KDM4C: variants seen among roughly 807,000 people sequenced by gnomAD.
KDM4C encodes the protein lysine demethylase 4C, also known as lysine-specific demethylase 4C.
In KDM4C, 81 loss-of-function variants were observed where a neutral mutation model predicts 129.3. The observed-to-expected ratio is 0.63, with a 90% CI of 0.52 to 0.75. The LOEUF (loss-of-function observed/expected upper bound fraction) is 0.75, where lower values mean the gene tolerates loss of function less well. KDM4C is among the 30% of genes least tolerant of loss of function. The probability of loss-of-function intolerance (pLI) is 0.00; values close to 1 mark genes in which losing one functional copy is unlikely to be tolerated. For missense variants in KDM4C, 1,457 were observed against 1,304.0 expected (o/e 1.12, Z -1.81); for synonymous variants, 573 against 456.1 (o/e 1.26, Z -3.26).
At chr9:7,105,589 G>C in intron 18 of KDM4C, 1 of 405,930 alleles carries the variant, frequency 2.5e-6, no homozygotes, top group South Asian at 1.8e-5. Context: ...ATAATGAGTG[G>C]CAGGTGCTGG....
intron 8 of KDM4C, among the ~76,000 whole-genome samples, chr9:6,961,996 G>A (rs952379765): frequency 2.6e-5 from 4 of 152,126 alleles, no homozygotes; most frequent in Admixed American, 6.5e-5. Flanking sequence ...CTACTGGGTC[G>A]GTTATGCTTG....
chr9:6,911,953 G>A (rs1025054049), intron 8 of KDM4C, among the ~76,000 whole-genome samples: 4 of 152,136 alleles, frequency 2.6e-5, no homozygotes, highest in African/African-American at 7.2e-5. Context: ...CCCTACTTTT[G>A]CCCAGGACTT....
At position 7,119,718 on chromosome 9, in the gene KDM4C, G is replaced by C. The variant is rs191862713; in HGVS notation, c.2611-8348G>C. 6.6e-5 allele frequency among the ~76,000 whole-genome samples: 10 copies of C among 152,024 alleles called. No individual in the cohort carries two copies. The East Asian group carries it at 1.4e-3, about 21-fold the overall frequency. On this transcript the variant is annotated intron_variant, in intron 18 of 21. Coordinates refer to ENST00000381309, the MANE Select transcript of KDM4C (RefSeq NM_015061.6). ...TCTTCTGTGTTTATTTTATGCATTTGAAAACATAGTTCTGAGTAGGGCTTC... is the reference window on the plus strand; with the variant it reads ...TCTTCTGTGTTTATTTTATGCATTTCAAAACATAGTTCTGAGTAGGGCTTC...
chr9:6,907,907 A>G (rs1818611096), intron 8 of KDM4C, among the ~76,000 whole-genome samples: 1 of 152,226 alleles, frequency 6.6e-6, no homozygotes, highest in Non-Finnish European at 1.5e-5. Flanking sequence ...TATGGTACTT[A>G]AATATTAACA....
At position 6,903,245 on chromosome 9, in the gene KDM4C, T is replaced by A. The variant is rs141149388; in HGVS notation, c.921+10013T>A. Among the ~76,000 whole-genome samples, 11 of 152,350 alleles carry A rather than the reference T, an allele frequency of 7.2e-5. No homozygotes were observed. In the East Asian group the frequency reaches 2.1e-3, roughly 29 times the overall value. On this transcript the variant is annotated intron_variant, in intron 8 of 21. Transcript: ENST00000381309. ...AGGGTTGTCCTTTGATTTTGAGTGTTAATTTTTTAAAAAGATGACTGTTTT... is the reference window on the plus strand; with the variant it reads ...AGGGTTGTCCTTTGATTTTGAGTGTAAATTTTTTAAAAAGATGACTGTTTT...
chr9:7,077,490 A>AAC (rs1834058192), intron 17 of KDM4C, among the ~76,000 whole-genome samples: 1 of 152,224 alleles, frequency 6.6e-6, no homozygotes, highest in Non-Finnish European at 1.5e-5. Context: ...GTAATCTTCC[A>AAC]ACAACTCTTT....
intron 19 of KDM4C, among the ~76,000 whole-genome samples, chr9:7,150,808 A>G (rs577541069): frequency 2.6e-3 from 389 of 152,276 alleles, no homozygotes; most frequent in Non-Finnish European, 4.2e-3. Flanking sequence ...CTGCCTTTGT[A>G]CTTTCTAGGC....
At chr9:7,085,948 G>T (rs976567516) in intron 17 of KDM4C, among the ~76,000 whole-genome samples, 1 of 152,122 alleles carries the variant, frequency 6.6e-6, no homozygotes, top group Non-Finnish European at 1.5e-5. Context: ...CTGAAGTCAG[G>T]AGTTCGAGAC....
chr9:6,723,026 A>C (rs1035509842), intron 1 of KDM4C, among the ~76,000 whole-genome samples: 1 of 151,986 alleles, frequency 6.6e-6, no homozygotes, highest in Non-Finnish European at 1.5e-5. Flanking sequence ...CAAAAACAAC[A>C]AAACTCAAAC....
At chr9:7,047,272 G>C (rs1250349829) in intron 16 of KDM4C, among the ~76,000 whole-genome samples, 6 of 152,052 alleles carry the variant, frequency 3.9e-5, no homozygotes, top group Admixed American at 3.9e-4. Flanking sequence ...GGGCATACCT[G>C]AGAAAGTGAA....
intron 11 of KDM4C, among the ~76,000 whole-genome samples, chr9:6,988,235 C>A (rs918082468): frequency 6.7e-6 from 1 of 149,220 alleles, no homozygotes; most frequent in Non-Finnish European, 1.5e-5. Flanking sequence ...TGTAGCCAAG[C>A]AGATATTCAT....
chr9:7,043,176 G>A (rs1054695460), intron 15 of KDM4C, among the ~76,000 whole-genome samples: 2 of 151,904 alleles, frequency 1.3e-5, no homozygotes, highest in Non-Finnish European at 2.9e-5. Context: ...GAAATTTTTG[G>A]CATGGTACGT....
intron 8 of KDM4C, among the ~76,000 whole-genome samples, chr9:6,927,553 G>A (rs1260999974): frequency 2.6e-5 from 4 of 152,206 alleles, no homozygotes; most frequent in African/African-American, 9.7e-5. Context: ...AATATGAGAT[G>A]TGTAGGACTT....
At chr9:6,879,879 TCTCTA>T in intron 5 of KDM4C, 128 bp from the exon 6 acceptor site, 2 of 470,578 alleles carry the variant, frequency 4.3e-6, no homozygotes, top group African/African-American at 2.0e-5. Context: ...GGCTTTCTAA[TCTCTA>T]CTCAGTTCAT....
chr9:7,123,694 T>C lies in KDM4C; in HGVS notation c.2611-4372T>C, dbSNP rs79816493. Among the ~76,000 whole-genome samples, 30 of 152,218 alleles carry C rather than the reference T, an allele frequency of 2.0e-4. No homozygotes were observed. In the East Asian group the frequency reaches 4.4e-3, roughly 23 times the overall value. On this transcript the variant is annotated intron_variant, in intron 18 of 21. Coordinates refer to ENST00000381309, the MANE Select transcript of KDM4C (RefSeq NM_015061.6). The stretch of plus-strand genomic sequence containing the variant: ...AACTGAAAGAGTCATGTGGCCAGGG[T>C]CTTAAGAGAGTTGTTAACAAAGGCT...
At chr9:6,943,604 G>C (rs1277828641) in intron 8 of KDM4C, among the ~76,000 whole-genome samples, 1 of 151,882 alleles carries the variant, frequency 6.6e-6, no homozygotes, top group Non-Finnish European at 1.5e-5. Flanking sequence ...GAGCCCAGGA[G>C]GTCAAAACTG....
In KDM4C at chr9:7,175,018, C is replaced by G. The variant is rs1845315773; in HGVS notation, c.*289C>G. On this transcript the variant is annotated 3_prime_UTR_variant, in exon 22 of 22. Coordinates refer to ENST00000381309, the MANE Select transcript of KDM4C (RefSeq NM_015061.6). Reference sequence around the variant, plus strand: ...AAAGGAAATACTAGTGAATCACCCACAAGGAAAAGCCACTGCCACAGAGGA... The same window carrying G: ...AAAGGAAATACTAGTGAATCACCCAGAAGGAAAAGCCACTGCCACAGAGGA... 1 of 260,870 alleles carries G rather than the reference C, an allele frequency of 3.8e-6. No homozygotes were observed. The highest frequency in any genetic ancestry group is 7.5e-6 in the Non-Finnish European group (1 of 133,704). 16.2% of individuals were successfully genotyped at this position (260,870 alleles called of 1,614,324 possible). A position where few individuals can be genotyped will look rare whatever the true frequency, so the allele number is the denominator to read the frequency against.
chr9:7,161,539 A>C (rs1365580658), intron 19 of KDM4C, among the ~76,000 whole-genome samples: 2 of 152,188 alleles, frequency 1.3e-5, no homozygotes, highest in Admixed American at 6.5e-5. Context: ...AAATAAAATC[A>C]AAGTTCTACT....
At chr9:6,969,187 C>T (rs963898059) in intron 8 of KDM4C, among the ~76,000 whole-genome samples, 43 of 152,180 alleles carry the variant, frequency 2.8e-4, no homozygotes, top group Admixed American at 9.2e-4. Flanking sequence ...CTGCCTGCGT[C>T]TGCCTCCCAA....
Sources: allele counts gnomAD v4.1 joint callset (sites outside exome capture counted in the v4.1 genomes callset), GRCh38; gene constraint gnomAD v4.1.1; transcripts MANE v1.5; gene names NCBI Gene and HGNC (gene_info 2026-07-23, HGNC 2026-07-21).